The following SND1 variants were observed in gnomAD, a reference collection of about 807,000 sequenced individuals.
The protein encoded by SND1 is staphylococcal nuclease domain-containing protein 1.
SND1 carries 38 observed loss-of-function variants against 121.7 expected under a neutral mutation model. That is an observed-to-expected ratio of 0.31 (90% CI 0.24 to 0.41). The LOEUF (loss-of-function observed/expected upper bound fraction) is 0.41. Ranked by LOEUF, SND1 falls within the 10% of genes least tolerant of loss-of-function variation. The pLI is 1.00. For missense variants in SND1, 868 were observed against 1,184.6 expected, an observed-to-expected ratio of 0.73 and a Z score of 3.92; for synonymous variants, 401 against 447.4, an observed-to-expected ratio of 0.90 and a Z score of 1.31.
intron 15 of SND1, among the ~76,000 whole-genome samples, chr7:127,957,667 T>G (rs1263670301): frequency 6.6e-6 from 1 of 152,094 alleles, no homozygotes; most frequent in Admixed American, 6.5e-5. Flanking sequence ...GTGATAATAA[T>G]GATGGCTGCA....
chr7:127,741,795 G>A (rs1417094826), intron 10 of SND1, among the ~76,000 whole-genome samples: 1 of 152,118 alleles, frequency 6.6e-6, no homozygotes, highest in Non-Finnish European at 1.5e-5. Context: ...TGCTTATTTA[G>A]TGTTCTTTTG....
intron 16 of SND1, among the ~76,000 whole-genome samples, chr7:128,036,203 T>TTG (rs34733932): frequency 0.4 from 60,776 of 151,520 alleles, 12,718 homozygotes; most frequent in African/African-American, 0.51. Flanking sequence ...ATGAACACAT[T>TTG]TGTGTGTGTG....
At chr7:127,968,933 C>G (rs373492779) in intron 15 of SND1, among the ~76,000 whole-genome samples, 6 of 152,216 alleles carry the variant, frequency 3.9e-5, no homozygotes, top group Non-Finnish European at 8.8e-5. Context: ...CAACCGCCCC[C>G]ACAGTTGTGC....
chr7:127,700,441 C>T (rs1796081605), intron 4 of SND1, among the ~76,000 whole-genome samples: 1 of 152,154 alleles, frequency 6.6e-6, no homozygotes, highest in African/African-American at 2.4e-5. Flanking sequence ...TTTATGCATA[C>T]AGCCGTTGAT....
In SND1 at chr7:127,706,289, G is replaced by A. The variant is rs1796197692; in HGVS notation, c.948-1268G>A. On this transcript the variant is annotated intron_variant, in intron 8 of 23. Coordinates refer to ENST00000354725, the MANE Select transcript of SND1 (RefSeq NM_014390.4). Reference sequence around the variant, plus strand: ...CCTTTTTTTTTTGAGACGGAGTCTTGCTCTGTTGCCAGGCTGGAGTGCAGT... The same window carrying A: ...CCTTTTTTTTTTGAGACGGAGTCTTACTCTGTTGCCAGGCTGGAGTGCAGT... Among the ~76,000 whole-genome samples the A allele has an allele frequency of 2.6e-5, 3 of 116,270 alleles. No homozygotes were observed. The South Asian group carries it at 8.0e-4, about 31-fold the overall frequency. The allele number at this position is 116,270 out of a possible 152,430, so 76.3% of individuals were successfully genotyped here. A position where few individuals can be genotyped will look rare whatever the true frequency, so the allele number is the denominator to read the frequency against.
At chr7:127,703,073 C>T in intron 6 of SND1, 92 bp from the exon 7 acceptor site, 1 of 1,388,668 alleles carries the variant, frequency 7.2e-7, no homozygotes, top group Non-Finnish European at 1.0e-6. Flanking sequence ...AGCTTCGTGG[C>T]ATGTGTGTTT....
At chr7:127,814,170 C>A (rs1304735630) in intron 11 of SND1, among the ~76,000 whole-genome samples, 2 of 152,186 alleles carry the variant, frequency 1.3e-5, no homozygotes, top group African/African-American at 4.8e-5. Context: ...CCACCCACTC[C>A]TGATCTTTTC....
At chr7:127,922,195 T>TTTTTG (rs1800729860) in intron 14 of SND1, among the ~76,000 whole-genome samples, 3 of 81,462 alleles carry the variant, frequency 3.7e-5, no homozygotes, top group Non-Finnish European at 8.9e-5. Flanking sequence ...TTTTTTTTTT[T>TTTTTG]TTTTTTTTGT....
chr7:127,828,384 C>G (rs893823805), intron 11 of SND1, among the ~76,000 whole-genome samples: 4 of 151,946 alleles, frequency 2.6e-5, no homozygotes, highest in Non-Finnish European at 5.9e-5. Flanking sequence ...AGTGGTGGGG[C>G]TTTGGATCAT....
chr7:127,980,024 T>C (rs1802220448), intron 15 of SND1, among the ~76,000 whole-genome samples: 1 of 152,242 alleles, frequency 6.6e-6, no homozygotes. Context: ...TATATGTAGC[T>C]TGGCCTGTGC....
intron 16 of SND1, among the ~76,000 whole-genome samples, chr7:128,032,467 G>A (rs1245064532): frequency 2.0e-5 from 3 of 151,724 alleles, no homozygotes; most frequent in African/African-American, 4.8e-5. Context: ...CGGTCGGAGG[G>A]AGCAGTTGGG....
intron 12 of SND1, among the ~76,000 whole-genome samples, chr7:127,852,776 A>T (rs917722364): frequency 6.6e-6 from 1 of 151,724 alleles, no homozygotes; most frequent in Non-Finnish European, 1.5e-5. Context: ...ACGCCACTGC[A>T]CTCTAGCCTG....
intron 11 of SND1, among the ~76,000 whole-genome samples, chr7:127,817,719 T>A (rs571550511): frequency 9.3e-5 from 13 of 140,402 alleles, no homozygotes; most frequent in African/African-American, 2.1e-4. Context: ...CTTTCCTTCA[T>A]ACTTTTTTTT....
intron 10 of SND1, among the ~76,000 whole-genome samples, chr7:127,746,610 T>G (rs1796987580): frequency 6.6e-6 from 1 of 152,190 alleles, no homozygotes. Flanking sequence ...GTCCCTCTTT[T>G]CCAATTTTCT....
chr7:127,815,350 C>T lies in SND1; in HGVS notation c.1242+7777C>T, dbSNP rs141875566. Among the ~76,000 whole-genome samples the T allele has an allele frequency of 8.5e-5, 13 of 152,198 alleles. No individual in the cohort carries two copies. In the East Asian group the frequency reaches 1.7e-3, roughly 20 times the overall value. On this transcript the variant is annotated intron_variant, in intron 11 of 23. Transcript: ENST00000354725. ...AATAAGAAGACGATCTATAGCCAGG[C>T]GTGGTGGACTGCACCTGTAGTCCCA... is the stretch of plus-strand genomic sequence containing the variant.
In SND1 at chr7:127,976,557, C is replaced by G. The variant is rs565632887; in HGVS notation, c.1670-14390C>G. Among the ~76,000 whole-genome samples the G allele has an allele frequency of 1.8e-4, 28 of 152,364 alleles. 1 individual carries two copies. Among genetic ancestry groups the G allele is most frequent in the African/African-American group, 6.5e-4 (27 of 41,578 alleles). On this transcript the variant is annotated intron_variant, in intron 15 of 23. Transcript: ENST00000354725. ...CGTTGAGTGCACTGCTGTGCCTTCC[C>G]TGTCCACTGGCCACAGTGGTGACTG...
At chr7:127,726,420 C>T (rs934081157) in intron 10 of SND1, among the ~76,000 whole-genome samples, 1 of 152,182 alleles carries the variant, frequency 6.6e-6, no homozygotes, top group Non-Finnish European at 1.5e-5. Context: ...AGAAAGCTGA[C>T]GTGTGATGCT....
chr7:127,980,114 T>TAGTGAGGTGAAGGACTCTTGCTAAGAG (rs1218995336), intron 15 of SND1, among the ~76,000 whole-genome samples: 226 of 15,576 alleles, frequency 0.015, 13 homozygotes, highest in African/African-American at 0.075. Flanking sequence ...TTTTTCTTTT[T>TAGTGAGGTGAAGGACTCTTGCTAAGAG]TTTTTTTTTT....
At chr7:128,008,024 A>G (rs1373492605) in intron 16 of SND1, 2 of 152,236 alleles carry the variant, frequency 1.3e-5, no homozygotes, top group Non-Finnish European at 2.9e-5. Flanking sequence ...TCTTACCTTT[A>G]TCCCCACAGT....
Sources: allele counts gnomAD v4.1 joint callset (sites outside exome capture counted in the v4.1 genomes callset), GRCh38; gene constraint gnomAD v4.1.1; transcripts MANE v1.5; gene names NCBI Gene and HGNC (gene_info 2026-07-23, HGNC 2026-07-21).